Variants in FGF12 observed in about 807,000 individuals in gnomAD.
FGF12 encodes the protein fibroblast growth factor 12.
A neutral mutation model predicts 23.6 loss-of-function variants in FGF12; 14 were observed. The observed-to-expected ratio is 0.59, with a 90% CI of 0.39 to 0.93. FGF12 has a LOEUF of 0.93. FGF12 is among the 40% of genes least tolerant of loss of function. The probability of loss-of-function intolerance (pLI) is 0.00; values close to 1 mark genes in which losing one functional copy is unlikely to be tolerated. For missense variants in FGF12, 175 were observed against 217.8 expected (o/e 0.80, Z 1.24); for synonymous variants, 62 against 77.3 (o/e 0.80, Z 1.04).
rs188700253 is a variant in FGF12 at position 192,613,955 on chromosome 3, G to T, written c.13+113226C>A. Among the ~76,000 whole-genome samples, 572 of 151,908 alleles carry T rather than the reference G, an allele frequency of 3.8e-3. 5 individuals carry two copies. Among genetic ancestry groups the T allele is most frequent in the Middle Eastern group, 6.8e-3 (2 of 294 alleles). On this transcript the variant is annotated intron_variant, in intron 2 of 5. Coordinates refer to ENST00000445105, the MANE Select transcript of FGF12 (RefSeq NM_004113.6). ...ATCAGTGGTAAGAATGATCAACCTT[G>T]GAATGATGGATGGGTTTCTTATTGA...
At chr3:192,685,998 G>A (rs1409621527) in intron 2 of FGF12, among the ~76,000 whole-genome samples, 1 of 152,210 alleles carries the variant, frequency 6.6e-6, no homozygotes, top group African/African-American at 2.4e-5. Context: ...GAGCCCTGGA[G>A]GCAAAGCGTG....
chr3:192,376,582 A>G lies in FGF12; in HGVS notation c.14-16044T>C, dbSNP rs887413517. ...GCTCCATGTTGGTCAGGCTGGTCTC[A>G]AACTCCCGGCCTCAGGTGATCTGCC... On this transcript the variant is annotated intron_variant, in intron 2 of 5. Transcript: ENST00000445105. Among the ~76,000 whole-genome samples the G allele has an allele frequency of 2.0e-5, 3 of 152,010 alleles. No individual in the cohort carries two copies. The East Asian group carries it at 5.8e-4, about 29-fold the overall frequency.
chr3:192,209,334 G>C (rs1717814100), intron 4 of FGF12, among the ~76,000 whole-genome samples: 1 of 152,168 alleles, frequency 6.6e-6, no homozygotes, highest in African/African-American at 2.4e-5. Flanking sequence ...TATCAATGAG[G>C]ATGGGAAAAC....
intron 2 of FGF12, among the ~76,000 whole-genome samples, chr3:192,637,255 C>T (rs150639809): frequency 1.1e-4 from 16 of 152,286 alleles, no homozygotes; most frequent in South Asian, 2.1e-4. Context: ...ATGTTCTGCA[C>T]CTCTCCTCTG....
At chr3:192,392,270 G>A (rs1476558915) in intron 2 of FGF12, among the ~76,000 whole-genome samples, 2 of 152,000 alleles carry the variant, frequency 1.3e-5, no homozygotes, top group Non-Finnish European at 2.9e-5. Flanking sequence ...TAAGATTCAA[G>A]TAGAAAGCTG....
intron 4 of FGF12, among the ~76,000 whole-genome samples, chr3:192,234,130 T>C (rs1223854446): frequency 2.0e-5 from 3 of 152,218 alleles, no homozygotes; most frequent in Non-Finnish European, 2.9e-5. Context: ...GTATTGAATC[T>C]GTAAATTACT....
At chr3:192,442,715 C>T (rs541333873) in intron 2 of FGF12, among the ~76,000 whole-genome samples, 2 of 152,026 alleles carry the variant, frequency 1.3e-5, no homozygotes, top group Non-Finnish European at 2.9e-5. Context: ...TCAGATGGTA[C>T]CAAAATAATG....
At chr3:192,505,711 G>A (rs770732147) in intron 2 of FGF12, among the ~76,000 whole-genome samples, 9 of 152,150 alleles carry the variant, frequency 5.9e-5, no homozygotes, top group African/African-American at 2.2e-4. Context: ...TAAAAAGCTA[G>A]TCTTCCTTTT....
At chr3:192,259,344 C>T (rs1029473887) in intron 4 of FGF12, among the ~76,000 whole-genome samples, 1 of 151,996 alleles carries the variant, frequency 6.6e-6, no homozygotes, top group African/African-American at 2.4e-5. Flanking sequence ...AGAACCATAA[C>T]AATAGATGTT....
At chr3:192,246,914 GA>G (rs1487516047) in intron 4 of FGF12, among the ~76,000 whole-genome samples, 1 of 111,920 alleles carries the variant, frequency 8.9e-6, no homozygotes, top group Non-Finnish European at 1.7e-5. Flanking sequence ...GAAAGAAAGA[GA>G]AAAAGAAAGA....
chr3:192,397,171 A>AC (rs1257523673), intron 2 of FGF12, among the ~76,000 whole-genome samples: 35 of 152,164 alleles, frequency 2.3e-4, no homozygotes, highest in African/African-American at 8.4e-4. Flanking sequence ...GAGAGGGAGG[A>AC]GTAGATAGAA....
intron 2 of FGF12, among the ~76,000 whole-genome samples, chr3:192,403,551 T>TG (rs1019499768): frequency 6.6e-6 from 1 of 151,566 alleles, no homozygotes; most frequent in Non-Finnish European, 1.5e-5. Context: ...CTTACTGTTT[T>TG]TTTTTTTTTA....
intron 2 of FGF12, among the ~76,000 whole-genome samples, chr3:192,530,089 C>T (rs181835578): frequency 1.3e-5 from 2 of 152,138 alleles, no homozygotes; most frequent in East Asian, 3.9e-4. Flanking sequence ...ATGTTTGTAC[C>T]CTTAACCCAC....
At chr3:192,239,958 G>T (rs1719514644) in intron 4 of FGF12, among the ~76,000 whole-genome samples, 1 of 152,172 alleles carries the variant, frequency 6.6e-6, no homozygotes, top group Non-Finnish European at 1.5e-5. Flanking sequence ...AGAAAAAGTT[G>T]TATTAGACAC....
At chr3:192,722,411 T>A (rs1719066777) in intron 2 of FGF12, among the ~76,000 whole-genome samples, 1 of 152,224 alleles carries the variant, frequency 6.6e-6, no homozygotes, top group African/African-American at 2.4e-5. Context: ...GAGTAAATCA[T>A]CCTGGCTTCA....
chr3:192,375,465 A>T (rs922155941), intron 2 of FGF12, among the ~76,000 whole-genome samples: 4 of 152,198 alleles, frequency 2.6e-5, no homozygotes, highest in African/African-American at 9.6e-5. Context: ...ACAAAATCCA[A>T]GTCTAACTGT....
rs1213839729 is a variant in FGF12, at chr3:192,409,965, A to T, written c.14-49427T>A. On this transcript the variant is annotated intron_variant, in intron 2 of 5. Transcript: ENST00000445105. This position sits in a 1 kb window ranked among gnomAD's most constrained non-coding sequence, Gnocchi z 4.8. ...GGGCGCTCAGGGTGGAGTCCCATTC[A>T]TGGGCTGAGGCTCTGGGCGCGCGGA... Among the ~76,000 whole-genome samples the T allele has an allele frequency of 6.6e-6, 1 of 151,344 alleles. No homozygotes were observed. The highest frequency in any genetic ancestry group is 2.4e-5 in the African/African-American group (1 of 41,262).
chr3:192,324,918 A>T (rs188225758), intron 4 of FGF12, among the ~76,000 whole-genome samples: 24 of 152,284 alleles, frequency 1.6e-4, no homozygotes, highest in Middle Eastern at 6.8e-3. Flanking sequence ...CATATATGCT[A>T]ATTTTCCAAT....
intron 2 of FGF12, among the ~76,000 whole-genome samples, chr3:192,694,478 A>G (rs545407168): frequency 2.6e-5 from 4 of 152,274 alleles, no homozygotes; most frequent in Non-Finnish European, 4.4e-5. Flanking sequence ...AATAGCCAAG[A>G]TAATGGAAAC....
Sources: allele counts gnomAD v4.1 joint callset (sites outside exome capture counted in the v4.1 genomes callset), GRCh38; gene constraint gnomAD v4.1.1; non-coding constraint Gnocchi (gnomAD v3.1); transcripts MANE v1.5; gene names NCBI Gene and HGNC (gene_info 2026-07-23, HGNC 2026-07-21).